The following SULF1 variants were observed in gnomAD, a reference collection of about 807,000 sequenced individuals.
SULF1 encodes the protein sulfatase 1.
In SULF1, 46 loss-of-function variants were observed where a neutral mutation model predicts 110.5. The observed-to-expected ratio is 0.42, with a 90% confidence interval of 0.33 to 0.53. SULF1 has a LOEUF of 0.53. Among genes scored for constraint, SULF1 ranks in the 20% least tolerant of loss-of-function variants. The pLI is 0.12. For missense variants in SULF1, 941 were observed against 1,094.2 expected (o/e 0.86, Z 1.98); for synonymous variants, 371 against 387.1 (o/e 0.96, Z 0.49).
rs555112962 is a variant in SULF1 at position 69,642,215 on chromosome 8, A to G, written c.2585+1374A>G. ...CTGTATTAATATCTTTAAAATTAAC[A>G]TCCCAAAGAATGTTGCTGTTCCTGG... On this transcript the variant is annotated intron_variant, in intron 22 of 22. Coordinates refer to ENST00000402687, the MANE Select transcript of SULF1 (RefSeq NM_001128205.2). 2.0e-5 allele frequency: 20 copies of G among 986,754 alleles called. No homozygotes were observed. In the East Asian group the frequency reaches 2.2e-3, roughly 107 times the overall value. 61.1% of individuals were successfully genotyped at this position (986,754 alleles called of 1,614,324 possible).
At chr8:69,489,176 T>A (rs1809815486), upstream of SULF1, among the ~76,000 whole-genome samples, 1 of 152,192 alleles carries the variant, frequency 6.6e-6, no homozygotes, top group African/African-American at 2.4e-5. Context: ...CTAAACCGAC[T>A]TATATGAGAC....
At chr8:69,504,828 C>T (rs1811070727) in intron 3 of SULF1, among the ~76,000 whole-genome samples, 1 of 152,136 alleles carries the variant, frequency 6.6e-6, no homozygotes, top group African/African-American at 2.4e-5. Flanking sequence ...TATATATCCA[C>T]AATCCTCCTT....
Position 69,638,927 on chromosome 8 carries a change from T to A in SULF1, c.2551+69T>A. The A allele has an allele frequency of 4.1e-6, 6 of 1,454,034 alleles. No individual in the cohort carries two copies. In the South Asian group the frequency reaches 7.9e-5, roughly 19 times the overall value. 90.1% of individuals were successfully genotyped at this position (1,454,034 alleles called of 1,614,324 possible). ...CTTTGTGTTACTGAGCTTTCTGCCTTGGAAACATTTAATTGCACAGAAACA... is the reference window on the plus strand; with the variant it reads ...CTTTGTGTTACTGAGCTTTCTGCCTAGGAAACATTTAATTGCACAGAAACA... On this transcript the variant is annotated intron_variant, in intron 21 of 22. Transcript: ENST00000402687.
In SULF1 at chr8:69,586,450, A is replaced by G. The variant is rs1269213983; in HGVS notation, c.506A>G (p.Tyr169Cys). 5.0e-6 allele frequency: 8 copies of G among 1,612,322 alleles called. No homozygotes were observed. The highest frequency in any genetic ancestry group is 1.3e-5 in the African/African-American group (1 of 74,982). Residue 169 changes from tyrosine (Y) to cysteine (C), a missense_variant, in exon 7 of 23, where the codon TAT (tyrosine) becomes TGT (cysteine). By Grantham distance (194) the Tyr-to-Cys change is radical. Transcript: ENST00000402687. ...WLGLIKNSRF[Y>C]NYTVCRNGIK... The stretch of plus-strand genomic sequence containing the variant: ...GGATTAATCAAGAATTCTCGCTTCT[A>G]TAATTACACTGTTTGTCGCAATGGC...
intron 3 of SULF1, among the ~76,000 whole-genome samples, chr8:69,562,309 C>A (rs928212508): frequency 2.0e-5 from 3 of 152,146 alleles, no homozygotes; most frequent in Non-Finnish European, 2.9e-5. Flanking sequence ...TTCACTACCC[C>A]CTGTCACCTT....
At chr8:69,495,326 T>G (rs1810265814) in intron 1 of SULF1, among the ~76,000 whole-genome samples, 1 of 152,038 alleles carries the variant, frequency 6.6e-6, no homozygotes, top group Non-Finnish European at 1.5e-5. Context: ...AAGGCTATGG[T>G]GCACTATAAT....
chr8:69,615,172 A>C (rs1174567051), intron 13 of SULF1, among the ~76,000 whole-genome samples: 1 of 152,170 alleles, frequency 6.6e-6, no homozygotes, highest in East Asian at 1.9e-4. Context: ...CTTTCATCTG[A>C]TTCCTGAAAC....
chr8:69,518,887 G>C (rs1812107391), intron 3 of SULF1, among the ~76,000 whole-genome samples: 1 of 152,104 alleles, frequency 6.6e-6, no homozygotes, highest in South Asian at 2.1e-4. Flanking sequence ...ACAGATTTCT[G>C]GAACTCTTTC....
chr8:69,604,767 C>G, intron 12 of SULF1, 36 bp from the exon 13 acceptor site: 1 of 1,611,290 alleles, frequency 6.2e-7, no homozygotes, highest in African/African-American at 1.3e-5. Context: ...ATTCAGATCA[C>G]TTCTCATGTA....
At chr8:69,630,924 CGTCAT>C (rs1006366415) in intron 19 of SULF1, among the ~76,000 whole-genome samples, 1 of 151,942 alleles carries the variant, frequency 6.6e-6, no homozygotes, top group Non-Finnish European at 1.5e-5. Context: ...CCCATTAACT[CGTCAT>C]TTAGTATTAG....
intron 8 of SULF1, among the ~76,000 whole-genome samples, chr8:69,589,850 T>C (rs968628481): frequency 1.3e-5 from 2 of 152,184 alleles, no homozygotes; most frequent in Non-Finnish European, 2.9e-5. Flanking sequence ...TGTTGTTCAC[T>C]CAGTTGACAC....
intron 13 of SULF1, among the ~76,000 whole-genome samples, chr8:69,612,573 G>A (rs1323121585): frequency 2.0e-5 from 3 of 152,184 alleles, no homozygotes; most frequent in Non-Finnish European, 2.9e-5. Context: ...GTATCTCATT[G>A]TGGTTTTAAT....
At chr8:69,589,879 G>T (rs910815486) in intron 8 of SULF1, among the ~76,000 whole-genome samples, 2 of 152,178 alleles carry the variant, frequency 1.3e-5, no homozygotes, top group East Asian at 3.8e-4. Context: ...CCTAAGCTTT[G>T]CCATCAATAT....
At chr8:69,496,552 G>A (rs1810373214) in intron 2 of SULF1, among the ~76,000 whole-genome samples, 2 of 152,220 alleles carry the variant, frequency 1.3e-5, no homozygotes, top group African/African-American at 2.4e-5. Context: ...TTTTGAATAA[G>A]ATGACTGCAT....
rs375031898 is a variant in SULF1 at position 69,530,701 on chromosome 8, T to G, written c.-134+28733T>G. The stretch of plus-strand genomic sequence containing the variant: ...TTTCCAGAGTTCAGTCCAAGAGTCA[T>G]AAGTTGTTTATGGACATCACTCTGG... On this transcript the variant is annotated intron_variant, in intron 3 of 22. Transcript: ENST00000402687. Among the ~76,000 whole-genome samples the G allele has an allele frequency of 9.8e-5, 15 of 152,312 alleles. No individual in the cohort carries two copies. In the East Asian group the frequency reaches 2.9e-3, roughly 29 times the overall value.
At chr8:69,579,341 G>A (rs1484593968) in intron 6 of SULF1, among the ~76,000 whole-genome samples, 1 of 151,892 alleles carries the variant, frequency 6.6e-6, no homozygotes, top group African/African-American at 2.4e-5. Context: ...ATCACCTGAG[G>A]TCAGGAGTTC....
intron 22 of SULF1, among the ~76,000 whole-genome samples, chr8:69,655,263 G>A (rs1812638098): frequency 6.6e-6 from 1 of 152,142 alleles, no homozygotes; most frequent in African/African-American, 2.4e-5. Flanking sequence ...GACAGTGCAA[G>A]AGGAATAGGT....
chr8:69,633,228 T>C (rs531922557), intron 19 of SULF1, among the ~76,000 whole-genome samples: 64 of 152,280 alleles, frequency 4.2e-4, no homozygotes, highest in Non-Finnish European at 7.5e-4. Flanking sequence ...CAGTTTATGT[T>C]TGATGTGTGA....
chr8:69,480,032 C>G (rs1467690183), intron 1 of SULF1, among the ~76,000 whole-genome samples: 1 of 151,562 alleles, frequency 6.6e-6, no homozygotes, highest in Admixed American at 6.6e-5. Flanking sequence ...CAGATGTACT[C>G]CTTATGGAAA....
Sources: allele counts gnomAD v4.1 joint callset (sites outside exome capture counted in the v4.1 genomes callset), GRCh38; gene constraint gnomAD v4.1.1; transcripts MANE v1.5; gene names NCBI Gene and HGNC (gene_info 2026-07-23, HGNC 2026-07-21).